The following PKD1L3 variants were observed in gnomAD, a reference collection of about 807,000 sequenced individuals.
PKD1L3 encodes the protein polycystin 1 like 3, transient receptor potential channel interacting.
In PKD1L3, 239 loss-of-function variants were observed where a neutral mutation model predicts 184.1. That is an observed-to-expected ratio of 1.30 (90% CI 1.17 to 1.45). The LOEUF is 1.45. Among genes scored for constraint, PKD1L3 ranks in the 40% most tolerant of loss-of-function variants. The pLI, the probability that PKD1L3 is intolerant of heterozygous loss-of-function variation, is 0.00. For missense variants in PKD1L3, 2,660 were observed against 2,067.2 expected (o/e 1.29, Z -5.56); for synonymous variants, 996 against 778.8 (o/e 1.28, Z -4.64).
At chr16:71,945,998 A>G (rs1224028791) in intron 22 of PKD1L3, among the ~76,000 whole-genome samples, 4 of 152,148 alleles carry the variant, frequency 2.6e-5, no homozygotes, top group African/African-American at 7.2e-5. Context: ...CGCTCTTGTC[A>G]CCCAGGCTGG....
chr16:71,986,573 A>G (rs2143802811), intron 4 of PKD1L3, 104 bp from the exon 5 acceptor site: 1 of 1,244,440 alleles, frequency 8.0e-7, no homozygotes, highest in East Asian at 2.6e-5. Flanking sequence ...CCTATGAGAT[A>G]CTAATAGGCA....
At chr16:71,999,168 G>A (rs1235380235) in intron 1 of PKD1L3, among the ~76,000 whole-genome samples, 2 of 151,872 alleles carry the variant, frequency 1.3e-5, no homozygotes, top group Admixed American at 6.6e-5. Context: ...CTACTCGGGA[G>A]GTTGAGGCAG....
chr16:71,976,072 C>T (rs556145533), intron 11 of PKD1L3, among the ~76,000 whole-genome samples: 9 of 151,842 alleles, frequency 5.9e-5, no homozygotes, highest in Non-Finnish European at 7.4e-5. Context: ...CTCAGTCTCC[C>T]GAGTAGCTGG....
At chr16:71,970,615 C>A (rs953350253) in intron 12 of PKD1L3, among the ~76,000 whole-genome samples, 60 of 152,128 alleles carry the variant, frequency 3.9e-4, no homozygotes, top group African/African-American at 1.4e-3. Context: ...TGAGACCAGC[C>A]TGGACAACAT....
chr16:71,996,379 G>A (rs1212503518), intron 2 of PKD1L3, among the ~76,000 whole-genome samples: 1 of 149,016 alleles, frequency 6.7e-6, no homozygotes, highest in Non-Finnish European at 1.5e-5. Context: ...TCCTGCCTCA[G>A]CCTCCTGAGT....
intron 13 of PKD1L3, among the ~76,000 whole-genome samples, chr16:71,969,370 C>CAAA (rs386385032): frequency 3.1e-4 from 47 of 151,150 alleles, no homozygotes; most frequent in African/African-American, 1.0e-3. Context: ...TAAAATGGCA[C>CAAA]AATAGCTCAC....
chr16:71,988,002 A>C lies in PKD1L3; in HGVS notation c.586-1533T>G, dbSNP rs372341829. 1.8e-4 allele frequency among the ~76,000 whole-genome samples: 28 copies of C among 152,208 alleles called. 1 individual carries two copies. Among genetic ancestry groups the C allele is most frequent in the Admixed American group, 9.8e-4 (15 of 15,280 alleles). Reference sequence around the variant, plus strand: ...GCCAGGGGAGTGTCATATATCAGGCAGTTGAAGGGAATGCAGATGTTATTT... The same window carrying C: ...GCCAGGGGAGTGTCATATATCAGGCCGTTGAAGGGAATGCAGATGTTATTT... On this transcript the variant is annotated intron_variant, in intron 4 of 29. Coordinates refer to ENST00000620267, the MANE Select transcript of PKD1L3 (RefSeq NM_181536.2).
At chr16:71,945,266 CTATATATATATATATATATATATA>C (rs60469321) in intron 22 of PKD1L3, among the ~76,000 whole-genome samples, 6 of 63,948 alleles carry the variant, frequency 9.4e-5, no homozygotes, top group African/African-American at 3.5e-4. Flanking sequence ...AATTTCTTAA[CTATATATATATATATATATATATA>C]TATATATATA....
At chr16:71,942,345 C>G (rs1293249411) in intron 24 of PKD1L3, among the ~76,000 whole-genome samples, 1 of 151,882 alleles carries the variant, frequency 6.6e-6, no homozygotes, top group Admixed American at 6.6e-5. Context: ...ACAAACGAAC[C>G]AAAATCCTGC....
At chr16:71,960,926 A>G (rs2039253612) in intron 16 of PKD1L3, among the ~76,000 whole-genome samples, 1 of 152,134 alleles carries the variant, frequency 6.6e-6, no homozygotes, top group Non-Finnish European at 1.5e-5. Context: ...GAACTGTATC[A>G]GGTCTAGGGA....
chr16:71,953,917 T>A (rs9889011), intron 17 of PKD1L3, among the ~76,000 whole-genome samples, 188 bp downstream of exon 17: 110,044 of 152,028 alleles, frequency 0.72, 40,437 homozygotes, highest in East Asian at 0.97. Flanking sequence ...GGAGTTTAGT[T>A]AAAGTATTGC....
intron 3 of PKD1L3, among the ~76,000 whole-genome samples, chr16:71,991,506 G>A (rs1490554154): frequency 6.6e-6 from 1 of 152,180 alleles, no homozygotes; most frequent in Non-Finnish European, 1.5e-5. Flanking sequence ...AGGGAATACT[G>A]AGCAGATGTG....
chr16:71,998,350 A>C lies in PKD1L3; in HGVS notation c.340T>G (p.Tyr114Asp). 4 of 1,551,902 alleles carry C rather than the reference A, an allele frequency of 2.6e-6. No individual in the cohort carries two copies. In the South Asian group the frequency reaches 4.8e-5, roughly 18 times the overall value. ...ATCCGAATGAAGTTTCTGGACAGGT[A>C]GGTGCAGCTGAGGGGCTTTGGGGGC... Reference protein sequence around the residue: ...NGPPKPLSCTYLSRNFIRISS... With the variant: ...NGPPKPLSCTDLSRNFIRISS... Residue 114 changes from tyrosine (Y) to aspartate (D), a missense_variant, in exon 2 of 30, where the codon TAC becomes GAC. Tyr to Asp is a radical substitution (Grantham distance 160). Transcript: ENST00000620267.
chr16:71,994,236 TACTGTTTCC>T (rs1481027390), intron 2 of PKD1L3, among the ~76,000 whole-genome samples: 2 of 152,214 alleles, frequency 1.3e-5, no homozygotes, highest in Non-Finnish European at 2.9e-5. Context: ...CTGGCAGTCA[TACTGTTTCC>T]ACTCTCCCAG....
intron 24 of PKD1L3, among the ~76,000 whole-genome samples, chr16:71,940,858 T>C (rs2038337215): frequency 6.7e-6 from 1 of 149,826 alleles, no homozygotes. Context: ...TTTTTCTTGA[T>C]ACAGGGTCTG....
At chr16:71,940,918 C>G (rs2038338917) in intron 24 of PKD1L3, among the ~76,000 whole-genome samples, 1 of 152,046 alleles carries the variant, frequency 6.6e-6, no homozygotes, top group Non-Finnish European at 1.5e-5. Context: ...TCACTACAAC[C>G]TTTGATTCCC....
intron 16 of PKD1L3, among the ~76,000 whole-genome samples, chr16:71,956,523 C>T (rs1159209885): frequency 6.6e-6 from 1 of 152,042 alleles, no homozygotes; most frequent in African/African-American, 2.4e-5. Flanking sequence ...GCACATGCTA[C>T]AGCATGAATG....
chr16:71,963,387 G>T, intron 15 of PKD1L3, 36 bp from the exon 16 acceptor site: 1 of 1,513,852 alleles, frequency 6.6e-7, no homozygotes, highest in Non-Finnish European at 8.9e-7. Flanking sequence ...TTAGGGAGAT[G>T]GGCTTGAATC....
In PKD1L3 at chr16:71,942,953, G is replaced by T. The variant is rs1213308160; in HGVS notation, c.3931C>A (p.His1311Asn). The T allele has an allele frequency of 6.4e-7, 1 of 1,551,428 alleles. No homozygotes were observed. The highest frequency in any genetic ancestry group is 2.4e-5 in the East Asian group (1 of 40,938). The change falls in exon 24 of 30, where the codon CAC becomes AAC. Residue 1311 changes from histidine to asparagine, a missense_variant. By Grantham distance (68) the His-to-Asn change is moderately conservative (BLOSUM62 1). Transcript: ENST00000620267. ...SAKNSNRFYL[H>N]QAIWKTFSHQ... ...GAAAATGTCTTCCAGATAGCTTGGT[G>T]GAGGTAAAATCTATTGGAGTTCTTT...
Sources: gnomAD v4.1 joint callset for allele counts (sites outside exome capture counted in the v4.1 genomes callset) on GRCh38, gnomAD v4.1.1 for gene constraint, MANE v1.5 for transcripts, NCBI Gene and HGNC (gene_info 2026-07-23, HGNC 2026-07-21) for gene names.